ZNF366: variants seen among roughly 807,000 people sequenced by gnomAD.
ZNF366 encodes the protein zinc finger protein 366, also known as dendritic cell-specific transcript protein.
In ZNF366, 20 loss-of-function variants were observed where a neutral mutation model predicts 47.2. The ratio of observed to expected loss-of-function variants is 0.42; its 90% CI spans 0.30 to 0.62. The LOEUF (loss-of-function observed/expected upper bound fraction) is 0.62. Among genes scored for constraint, ZNF366 ranks in the 20% least tolerant of loss-of-function variants. The pLI is 0.16. For missense variants in ZNF366, 987 were observed against 976.3 expected (o/e 1.01, Z -0.15); for synonymous variants, 421 against 395.1 (o/e 1.07, Z -0.78).
intron 1 of ZNF366, among the ~76,000 whole-genome samples, chr5:72,491,757 C>G (rs2112351866): frequency 6.6e-6 from 1 of 152,308 alleles, no homozygotes; most frequent in Non-Finnish European, 1.5e-5. Context: ...AGACCTGAGA[C>G]AAGATTAGGG....
chr5:72,480,295 T>C (rs1426743071), intron 1 of ZNF366, among the ~76,000 whole-genome samples: 1 of 152,224 alleles, frequency 6.6e-6, no homozygotes, highest in African/African-American at 2.4e-5. Context: ...ACAGACTGAA[T>C]CTAGAAGAAG....
chr5:72,450,049 T>C (rs1383365219), intron 3 of ZNF366, among the ~76,000 whole-genome samples: 1 of 152,194 alleles, frequency 6.6e-6, no homozygotes, highest in Admixed American at 6.5e-5. Context: ...TTTCAGTTAT[T>C]ATCTGTGGTT....
intron 1 of ZNF366, among the ~76,000 whole-genome samples, chr5:72,468,405 C>T (rs1291984352): frequency 6.6e-6 from 1 of 152,160 alleles, no homozygotes; most frequent in Non-Finnish European, 1.5e-5. Flanking sequence ...ACCAAGTCCT[C>T]TAGGTGGCCA....
At chr5:72,487,983 A>G (rs1304849382) in intron 1 of ZNF366, among the ~76,000 whole-genome samples, 1 of 152,094 alleles carries the variant, frequency 6.6e-6, no homozygotes, top group Admixed American at 6.5e-5. Context: ...AAGTGGGTGG[A>G]TCACTTGAGG....
chr5:72,499,869 C>T (rs1437082245), intron 1 of ZNF366, among the ~76,000 whole-genome samples: 1 of 151,438 alleles, frequency 6.6e-6, no homozygotes, highest in Non-Finnish European at 1.5e-5. Context: ...GGGCTCCATC[C>T]AGGCAGAGGC....
intron 1 of ZNF366, among the ~76,000 whole-genome samples, chr5:72,481,666 T>G (rs1743792715): frequency 6.6e-6 from 1 of 152,218 alleles, no homozygotes; most frequent in Non-Finnish European, 1.5e-5. Context: ...TATCTTTTTG[T>G]CTTCTGTGAC....
chr5:72,501,671 A>G (rs1049521118), intron 1 of ZNF366, among the ~76,000 whole-genome samples: 7 of 152,212 alleles, frequency 4.6e-5, no homozygotes, highest in Non-Finnish European at 7.3e-5. Context: ...GCCTTTGCCT[A>G]TAACAAACCA....
At position 72,443,068 on chromosome 5, in the gene ZNF366, A is replaced by G. The variant is rs1189277519; in HGVS notation, c.*688T>C. 2 of 152,330 alleles carry G rather than the reference A, an allele frequency of 1.3e-5. No homozygotes were observed. Among genetic ancestry groups the G allele is most frequent in the Admixed American group, 1.3e-4 (2 of 15,284 alleles). The allele number at this position is 152,330 out of a possible 1,614,324, so 9.4% of individuals were successfully genotyped here. ...GTTTGTCTGAGGAGCCAGGGCCCCA[A>G]ACATCATCATATCATCTGAAAAATA... On this transcript the variant is annotated 3_prime_UTR_variant, in exon 5 of 5. Transcript: ENST00000318442.
At chr5:72,453,311 C>T (rs958361037) in intron 3 of ZNF366, among the ~76,000 whole-genome samples, 8 of 152,248 alleles carry the variant, frequency 5.3e-5, no homozygotes, top group African/African-American at 1.7e-4. Flanking sequence ...ACTGCCTCTT[C>T]TGCCCAGCCA....
intron 1 of ZNF366, 56 bp downstream of exon 1, chr5:72,507,195 A>G (rs1744335775): frequency 8.1e-6 from 8 of 984,478 alleles, no homozygotes; most frequent in Non-Finnish European, 9.6e-6. Context: ...TGCCCACAGC[A>G]GTATCCACCC....
At chr5:72,491,560 G>C (rs899775526) in intron 1 of ZNF366, among the ~76,000 whole-genome samples, 1 of 152,152 alleles carries the variant, frequency 6.6e-6, no homozygotes, top group African/African-American at 2.4e-5. Context: ...GTTTCCTCCT[G>C]TGGAAAATGG....
chr5:72,444,368 G>C, intron 4 of ZNF366, 77 bp from the exon 5 acceptor site: 1 of 1,497,102 alleles, frequency 6.7e-7, no homozygotes, highest in Non-Finnish European at 9.0e-7. Context: ...GGAGCAGCCC[G>C]GGGCCGTTTA....
At chr5:72,452,114 CTG>C (rs1395538032) in intron 3 of ZNF366, among the ~76,000 whole-genome samples, 1 of 152,240 alleles carries the variant, frequency 6.6e-6, no homozygotes, top group Non-Finnish European at 1.5e-5. Context: ...ACCAGGAAGC[CTG>C]TGTTTTCCTA....
At chr5:72,461,533 G>T (rs747588113) in intron 1 of ZNF366, 23 bp from the exon 2 acceptor site, 13 of 1,518,956 alleles carry the variant, frequency 8.6e-6, no homozygotes, top group Non-Finnish European at 1.1e-5. Context: ...AGAAACTTGT[G>T]TGTTTTGGTT....
chr5:72,455,271 G>A (rs1053848657), intron 3 of ZNF366, among the ~76,000 whole-genome samples: 1 of 152,170 alleles, frequency 6.6e-6, no homozygotes, highest in Non-Finnish European at 1.5e-5. Context: ...ACACAGGAAA[G>A]AAGTCAGCTT....
At chr5:72,468,216 C>A (rs1743473173) in intron 1 of ZNF366, among the ~76,000 whole-genome samples, 2 of 152,054 alleles carry the variant, frequency 1.3e-5, no homozygotes, top group African/African-American at 2.4e-5. Context: ...AATATGTGGT[C>A]AAAAAAGTGA....
chr5:72,477,634 T>A (rs1743700623), intron 1 of ZNF366, among the ~76,000 whole-genome samples: 1 of 152,216 alleles, frequency 6.6e-6, no homozygotes, highest in Non-Finnish European at 1.5e-5. Flanking sequence ...ATGGAGTCTA[T>A]GGTTTAATCA....
chr5:72,504,446 G>A (rs1744281938), intron 1 of ZNF366, among the ~76,000 whole-genome samples: 1 of 152,112 alleles, frequency 6.6e-6, no homozygotes, highest in Admixed American at 6.6e-5. Context: ...CTTTTATCCC[G>A]AGACAAACTT....
Position 72,484,495 on chromosome 5 carries a change from A to AATAAT in ZNF366, c.-15+22755_-15+22756insATTAT, listed in dbSNP as rs1554032911. On this transcript the variant is annotated intron_variant, in intron 1 of 4. Coordinates refer to ENST00000318442, the MANE Select transcript of ZNF366 (RefSeq NM_152625.3). ...CGAGACTCCGTCTCAAAAAAAAAAA[A>AATAAT]AATAATAATAATAATAATAATTTCA... 1.6e-4 allele frequency among the ~76,000 whole-genome samples: 24 copies of AATAAT among 145,844 alleles called. 1 individual carries two copies. The highest frequency in any genetic ancestry group is 6.7e-4 in the Admixed American group (10 of 14,834).
Sources: gnomAD v4.1 joint callset for allele counts (sites outside exome capture counted in the v4.1 genomes callset) on GRCh38, gnomAD v4.1.1 for gene constraint, MANE v1.5 for transcripts, NCBI Gene and HGNC (gene_info 2026-07-23, HGNC 2026-07-21) for gene names.